The following PTK2 variants were observed in gnomAD, a reference collection of about 807,000 sequenced individuals.
PTK2 encodes focal adhesion kinase 1.
Under a neutral mutation model 150.1 loss-of-function variants are expected in PTK2, and 45 were observed. The ratio of observed to expected loss-of-function variants is 0.30; its 90% CI spans 0.24 to 0.38. The LOEUF is 0.38. Among genes scored for constraint, PTK2 ranks in the 10% least tolerant of loss-of-function variants. The probability of loss-of-function intolerance (pLI) is 1.00; values close to 1 mark genes in which losing one functional copy is unlikely to be tolerated. For synonymous variants in PTK2, 432 were observed against 449.2 expected, an observed-to-expected ratio of 0.96 and a Z score of 0.48; for missense variants, 919 against 1,307.3, an observed-to-expected ratio of 0.70 and a Z score of 4.58.
chr8:140,857,981 A>G (rs1364187711), intron 5 of PTK2, among the ~76,000 whole-genome samples: 1 of 152,228 alleles, frequency 6.6e-6, no homozygotes, highest in Non-Finnish European at 1.5e-5. Context: ...GCTATAATTC[A>G]CATTCAGAAT....
intron 25 of PTK2, among the ~76,000 whole-genome samples, chr8:140,702,054 G>A (rs2100030790): frequency 6.8e-6 from 1 of 146,978 alleles, no homozygotes; most frequent in South Asian, 2.2e-4. Flanking sequence ...CTTGAACGTG[G>A]GAGGCGGAGG....
chr8:140,728,275 A>G (rs374320336), intron 22 of PTK2, among the ~76,000 whole-genome samples: 4 of 152,164 alleles, frequency 2.6e-5, no homozygotes, highest in East Asian at 1.9e-4. Flanking sequence ...GCCAGGATTC[A>G]AAGTGAGATC....
chr8:140,960,753 G>A (rs1288119725), intron 1 of PTK2, among the ~76,000 whole-genome samples: 7 of 152,118 alleles, frequency 4.6e-5, no homozygotes, highest in East Asian at 1.9e-4. Context: ...AGGCCAAGGC[G>A]GGCAGATCAC....
exon 14 of PTK2, chr8:140,789,501 T>A (rs140961245): frequency 1.9e-6 from 3 of 1,613,568 alleles, no homozygotes; most frequent in Admixed American, 3.3e-5. Context: ...TGTGTCCGCA[T>A]GCCTTGCTTT....
intron 4 of PTK2, among the ~76,000 whole-genome samples, chr8:140,876,626 T>G (rs908576044): frequency 6.6e-6 from 1 of 152,172 alleles, no homozygotes; most frequent in Non-Finnish European, 1.5e-5. Context: ...CTCCTCCTCT[T>G]CTCCATTCTT....
intron 27 of PTK2, among the ~76,000 whole-genome samples, chr8:140,678,765 G>C (rs1359151112): frequency 1.3e-5 from 2 of 152,054 alleles, no homozygotes; most frequent in East Asian, 3.9e-4. Flanking sequence ...GAGTCCAGTA[G>C]GGCAAACCGA....
chr8:140,913,166 C>T (rs2100163887), intron 2 of PTK2, among the ~76,000 whole-genome samples: 1 of 152,052 alleles, frequency 6.6e-6, no homozygotes, highest in African/African-American at 2.4e-5. Context: ...GCCAGTAACA[C>T]ATTAACAGAT....
At chr8:140,760,199 C>G (rs1030564600) in intron 16 of PTK2, among the ~76,000 whole-genome samples, 1 of 151,234 alleles carries the variant, frequency 6.6e-6, no homozygotes, top group Non-Finnish European at 1.5e-5. Flanking sequence ...TCCAGCCTGG[C>G]GACAGAGCAA....
intron 11 of PTK2, among the ~76,000 whole-genome samples, chr8:140,801,784 A>G (rs1272366821): frequency 2.0e-5 from 3 of 152,202 alleles, no homozygotes; most frequent in Admixed American, 1.3e-4. Flanking sequence ...TACAGTATAT[A>G]TAGTCAATGC....
At chr8:140,948,246 A>G in intron 1 of PTK2, among the ~76,000 whole-genome samples, 1 of 152,232 alleles carries the variant, frequency 6.6e-6, no homozygotes, top group South Asian at 2.1e-4. Flanking sequence ...CTTAAAATTA[A>G]AAATAATAAA....
chr8:140,760,573 G>T (rs1209815160), intron 16 of PTK2, among the ~76,000 whole-genome samples: 1 of 152,184 alleles, frequency 6.6e-6, no homozygotes, highest in South Asian at 2.1e-4. Context: ...AAAGGCTGGG[G>T]AAGGGTGGAA....
chr8:140,986,840 A>G (rs1042422799), intron 1 of PTK2, among the ~76,000 whole-genome samples: 4 of 152,184 alleles, frequency 2.6e-5, no homozygotes, highest in Non-Finnish European at 4.4e-5. Flanking sequence ...GAATCCTACA[A>G]ATCATTTGGA....
chr8:140,740,374 G>A (rs2100054993), intron 20 of PTK2, among the ~76,000 whole-genome samples: 1 of 152,192 alleles, frequency 6.6e-6, no homozygotes, highest in African/African-American at 2.4e-5. Flanking sequence ...CAAGGAAGCA[G>A]GGCACAGGAA....
At position 140,844,635 on chromosome 8, in the gene PTK2, T is replaced by C. The variant is rs1351735769; in HGVS notation, c.593+1625A>G. Reference sequence around the variant, plus strand: ...TTGAGCACTTCCTTCTTTCTGGCACTACAAGCTGCTCTAGGGCTCACCCGT... The same window carrying C: ...TTGAGCACTTCCTTCTTTCTGGCACCACAAGCTGCTCTAGGGCTCACCCGT... On this transcript the variant is annotated intron_variant, in intron 7 of 31. Transcript: ENST00000522684. 3.3e-5 allele frequency among the ~76,000 whole-genome samples: 5 copies of C among 152,176 alleles called. No individual in the cohort carries two copies. In the East Asian group the frequency reaches 9.6e-4, roughly 29 times the overall value.
chr8:140,835,754 T>C (rs1597903905), intron 7 of PTK2, among the ~76,000 whole-genome samples: 2 of 152,296 alleles, frequency 1.3e-5, no homozygotes, highest in Middle Eastern at 6.8e-3. Context: ...TTATGTAATG[T>C]TGTTTCATTA....
intron 5 of PTK2, among the ~76,000 whole-genome samples, chr8:140,863,912 C>T (rs550734100): frequency 2.0e-5 from 3 of 152,170 alleles, no homozygotes; most frequent in South Asian, 4.1e-4. Flanking sequence ...GGCATTTTAC[C>T]TTACATGTAT....
chr8:140,901,861 T>C (rs150605565), intron 2 of PTK2, among the ~76,000 whole-genome samples: 2,272 of 152,040 alleles, frequency 0.015, 29 homozygotes, highest in Non-Finnish European at 0.019. Context: ...CCTGTGTCCA[T>C]GTGTTGTCAT....
At chr8:140,855,492 G>T (rs149537334) in intron 5 of PTK2, among the ~76,000 whole-genome samples, 1,587 of 152,208 alleles carry the variant, frequency 0.01, 27 homozygotes, top group African/African-American at 0.036. Context: ...CTACTCAGGA[G>T]GCTGAGGCAG....
intron 2 of PTK2, among the ~76,000 whole-genome samples, chr8:140,914,169 G>A (rs2100164278): frequency 6.6e-6 from 1 of 152,032 alleles, no homozygotes; most frequent in Admixed American, 6.6e-5. Context: ...AAAATTATGT[G>A]AGCTACGAAT....
Sources: gnomAD v4.1 joint callset for allele counts (sites outside exome capture counted in the v4.1 genomes callset) on GRCh38, gnomAD v4.1.1 for gene constraint, MANE v1.5 for transcripts, NCBI Gene and HGNC (gene_info 2026-07-23, HGNC 2026-07-21) for gene names.